Variants in HSF1 observed in about 807,000 individuals in gnomAD.
HSF1 encodes the protein heat shock factor protein 1.
Under a neutral mutation model 51.7 loss-of-function variants are expected in HSF1, and 32 were observed. That is an observed-to-expected ratio of 0.62 (90% CI 0.47 to 0.83). The LOEUF (loss-of-function observed/expected upper bound fraction) is 0.83. HSF1 is among the 40% of genes least tolerant of loss of function. The pLI is 0.00. For missense variants in HSF1, 727 were observed against 717.0 expected (o/e 1.01, Z -0.16); for synonymous variants, 396 against 309.7 (o/e 1.28, Z -2.92).
rs928529496 is a variant in HSF1 at position 144,297,483 on chromosome 8, G to T, written c.117+5609G>T. Among the ~76,000 whole-genome samples, 1 of 152,154 alleles carries T rather than the reference G, an allele frequency of 6.6e-6. No homozygotes were observed. The highest frequency in any genetic ancestry group is 2.4e-5 in the African/African-American group (1 of 41,398). ...GGAAGCTCCTCCAGAGCGGAAACAA[G>T]AAGAGTGTTTATGAGAAAGGTGCGG... On this transcript the variant is annotated intron_variant, in intron 1 of 12. Transcript: ENST00000528838. The surrounding 1 kb of genome is among the most constrained non-coding windows in gnomAD (Gnocchi z 4.6).
rs868911848 is a variant in HSF1 at position 144,310,569 on chromosome 8, G to A, written c.489-605G>A. ...CTCAGACTCTCCTGCATGGGGTCTA[G>A]CAGGAGCCACCGGCTTTGTGATTCC... On this transcript the variant is annotated intron_variant, in intron 4 of 12. Transcript: ENST00000528838. 4 of 162,584 alleles carry A rather than the reference G, an allele frequency of 2.5e-5. No homozygotes were observed. In the South Asian group the frequency reaches 5.1e-4, roughly 21 times the overall value. 10.1% of individuals were successfully genotyped at this position (162,584 alleles called of 1,614,324 possible).
At position 144,297,356 on chromosome 8, in the gene HSF1, C is replaced by G. The variant is rs1372298181; in HGVS notation, c.117+5482C>G. On this transcript the variant is annotated intron_variant, in intron 1 of 12. Coordinates refer to ENST00000528838, the MANE Select transcript of HSF1 (RefSeq NM_005526.4). The surrounding 1 kb of genome is among the most constrained non-coding windows in gnomAD (Gnocchi z 4.6). ...CTGTGACCCTGTGGGCCATGGTGAG[C>G]AGCAGTAGCCACCACACTTGTGCAC... is the stretch of plus-strand genomic sequence containing the variant. Among the ~76,000 whole-genome samples the G allele has an allele frequency of 6.6e-6, 1 of 152,180 alleles. No individual in the cohort carries two copies. The highest frequency in any genetic ancestry group is 1.5e-5 in the Non-Finnish European group (1 of 68,044).
chr8:144,313,383 C>T, intron 9 of HSF1, 128 bp from the exon 10 acceptor site: 4 of 647,548 alleles, frequency 6.2e-6, no homozygotes, highest in South Asian at 1.8e-5. Context: ...CTGCCCCCTC[C>T]AGCCTGTGCA....
chr8:144,299,480 G>C (rs1410113434), intron 1 of HSF1, among the ~76,000 whole-genome samples: 1 of 151,876 alleles, frequency 6.6e-6, no homozygotes, highest in Non-Finnish European at 1.5e-5. Context: ...ATCAGTCATG[G>C]GCAGACAAGC....
intron 1 of HSF1, among the ~76,000 whole-genome samples, chr8:144,300,212 C>CTTTTTTT (rs1176636210): frequency 8.0e-5 from 7 of 87,744 alleles, no homozygotes; most frequent in Non-Finnish European, 1.0e-4. Context: ...GTTGTGTACT[C>CTTTTTTT]TTTTTTTTTT....
At chr8:144,300,411 G>A (rs942200165) in intron 1 of HSF1, among the ~76,000 whole-genome samples, 13 of 151,918 alleles carry the variant, frequency 8.6e-5, no homozygotes, top group African/African-American at 2.9e-4. Flanking sequence ...TAGAGATGGG[G>A]TTTCACCGTG....
At chr8:144,296,927 T>TG (rs112681190) in intron 1 of HSF1, among the ~76,000 whole-genome samples, 76,943 of 150,202 alleles carry the variant, frequency 0.51, 19,912 homozygotes, top group Admixed American at 0.64. Flanking sequence ...GATGGTGTGG[T>TG]GGGGGGGGTG....
intron 9 of HSF1, 40 bp from the exon 10 acceptor site, chr8:144,313,471 C>T (rs782780195): frequency 1.5e-6 from 2 of 1,340,582 alleles, no homozygotes; most frequent in East Asian, 2.3e-5. Flanking sequence ...GGGTGTGGGG[C>T]CTGGGGCACT....
At chr8:144,313,647 G>GCCGCGCCT (rs1554845593) in intron 10 of HSF1, 31 bp downstream of exon 10, 1 of 327,694 alleles carries the variant, frequency 3.1e-6, no homozygotes, top group African/African-American at 7.1e-5. Flanking sequence ...CCGCCTCCCC[G>GCCGCGCCT]CCCCGCCTCC....
At chr8:144,298,569 C>T (rs112534085) in intron 1 of HSF1, among the ~76,000 whole-genome samples, 248 of 150,294 alleles carry the variant, frequency 1.7e-3, no homozygotes, top group Middle Eastern at 3.4e-3. Flanking sequence ...TGCGCCGCTG[C>T]GCTCCAGCCA....
chr8:144,313,517 G>C lies in HSF1; in HGVS notation c.1149G>C (p.Glu383Asp). The C allele has an allele frequency of 6.2e-7, 1 of 1,608,718 alleles. No homozygotes were observed. Among genetic ancestry groups the C allele is most frequent in the East Asian group, 2.2e-5 (1 of 44,850 alleles). ...CCGCCTTATCCCGGGCCAGGAATGA[G>C]CTCAGTGACCACTTGGATGCTATGG... is the stretch of plus-strand genomic sequence containing the variant. The part of the protein sequence containing the change: ...CLSVACLDKN[E>D]LSDHLDAMDS... Residue 383 changes from glutamate to aspartate, a missense_variant, in exon 10 of 13, where the codon GAG becomes GAC. Physicochemically the swap from Glu to Asp is conservative, Grantham distance 45. Coordinates refer to ENST00000528838, the MANE Select transcript of HSF1 (RefSeq NM_005526.4).
chr8:144,313,835 C>T lies in HSF1; in HGVS notation c.1249-11C>T, dbSNP rs782016684. On this transcript the variant is annotated splice_polypyrimidine_tract_variant and intron_variant, in intron 10 of 12. Coordinates refer to ENST00000528838, the MANE Select transcript of HSF1 (RefSeq NM_005526.4). ...CCGGGTGCTGTTCTGACTTCCCTCC[C>T]TCCTCCGCAGCTGTTCAGCCCCTCG... 7 of 1,552,350 alleles carry T rather than the reference C, an allele frequency of 4.5e-6. No homozygotes were observed. Among genetic ancestry groups the T allele is most frequent in the Admixed American group, 3.7e-5 (2 of 54,064 alleles).
intron 4 of HSF1, chr8:144,310,789 C>T (rs1816584621): frequency 3.7e-6 from 1 of 268,306 alleles, no homozygotes; most frequent in Non-Finnish European, 7.3e-6. Context: ...AGTGTCGCAG[C>T]CTGAAGAACC....
At chr8:144,309,346 G>C in intron 2 of HSF1, 109 bp from the exon 3 acceptor site, 1 of 1,481,494 alleles carries the variant, frequency 6.7e-7, no homozygotes. Context: ...GGGCAGGGCA[G>C]GGTCTGACCA....
In HSF1 at chr8:144,313,534, A is replaced by G. The variant is rs542817517; in HGVS notation, c.1166A>G (p.Asp389Gly). The change falls in exon 10 of 13, where the codon GAT becomes GGT. Residue 389 changes from aspartate (D) to glycine (G), a missense_variant. Transcript: ENST00000528838. ...AGGAATGAGCTCAGTGACCACTTGG[A>G]TGCTATGGACTCCAACCTGGATAAC... ...LDKNELSDHL[D>G]AMDSNLDNLQ... 6.2e-7 allele frequency: 1 copy of G among 1,611,792 alleles called. No individual in the cohort carries two copies. The highest frequency in any genetic ancestry group is 1.3e-5 in the African/African-American group (1 of 74,942).
Position 144,313,092 on chromosome 8 carries a change from G to C in HSF1, c.1143-419G>C, listed in dbSNP as rs1816797261. The stretch of plus-strand genomic sequence containing the variant: ...AGGGCTTTCTTGGTCACAGCCACCA[G>C]ACCGTGGGTCTCATCCCCACAGCAG... On this transcript the variant is annotated intron_variant, in intron 9 of 12. Coordinates refer to ENST00000528838, the MANE Select transcript of HSF1 (RefSeq NM_005526.4). 3 of 397,958 alleles carry C rather than the reference G, an allele frequency of 7.5e-6. 1 individual carries two copies. The South Asian group carries it at 8.5e-5, about 11-fold the overall frequency. The allele number at this position is 397,958 out of a possible 1,614,324, so 24.7% of individuals were successfully genotyped here.
chr8:144,291,730 C>T lies in HSF1; in HGVS notation c.-28C>T, dbSNP rs1554840361. The T allele has an allele frequency of 1.3e-5, 17 of 1,349,586 alleles. No individual in the cohort carries two copies. The highest frequency in any genetic ancestry group is 2.3e-5 in the Admixed American group (1 of 43,754). 83.6% of individuals were successfully genotyped at this position (1,349,586 alleles called of 1,614,324 possible). ...CCCTCGGCCCCTCTTTGCGGCCGCT[C>T]CCTCCGCCTATTCCCTCCTTGCTCG... On this transcript the variant is annotated 5_prime_UTR_variant, in exon 1 of 13. Transcript: ENST00000528838. The surrounding 1 kb of genome is among the most constrained non-coding windows in gnomAD (Gnocchi z 4.1).
chr8:144,306,881 G>A (rs1213593167), intron 1 of HSF1, among the ~76,000 whole-genome samples: 2 of 152,214 alleles, frequency 1.3e-5, no homozygotes, highest in Non-Finnish European at 2.9e-5. Flanking sequence ...GTTCTTGAAT[G>A]CCTGGGGCCA....
At chr8:144,294,655 G>A (rs1815337314) in intron 1 of HSF1, among the ~76,000 whole-genome samples, 1 of 152,272 alleles carries the variant, frequency 6.6e-6, no homozygotes, top group African/African-American at 2.4e-5. Context: ...CCTGAGATCA[G>A]GACTCCCACT....
Sources: allele counts gnomAD v4.1 joint callset (sites outside exome capture counted in the v4.1 genomes callset), GRCh38; gene constraint gnomAD v4.1.1; non-coding constraint Gnocchi (gnomAD v3.1); transcripts MANE v1.5; gene names NCBI Gene and HGNC (gene_info 2026-07-23, HGNC 2026-07-21).